The following PDZD9 variants were observed in gnomAD, a reference collection of about 807,000 sequenced individuals.
PDZD9 encodes the protein PDZ domain-containing protein 9.
A neutral mutation model predicts 16.3 loss-of-function variants in PDZD9; 13 were observed. That is an observed-to-expected ratio of 0.80 (90% CI 0.52 to 1.27). The LOEUF is 1.27. PDZD9 is among the 50% of genes most tolerant of loss of function. The pLI, the probability that PDZD9 is intolerant of heterozygous loss-of-function variation, is 0.00. For synonymous variants in PDZD9, 120 were observed against 111.0 expected, an observed-to-expected ratio of 1.08 and a Z score of -0.51; for missense variants, 288 against 310.9, an observed-to-expected ratio of 0.93 and a Z score of 0.55.
Position 21,988,624 on chromosome 16 carries a change from CAG to C in PDZD9, c.377_378del (p.Pro126ArgfsTer14). 2 of 1,611,132 alleles carry C rather than the reference CAG, an allele frequency of 1.2e-6. No individual in the cohort carries two copies. Among genetic ancestry groups the C allele is most frequent in the Non-Finnish European group, 1.7e-6 (2 of 1,178,826 alleles). On this transcript the variant is annotated frameshift_variant, in exon 3 of 4. Transcript: ENST00000424898. LOFTEE classifies it low-confidence loss of function (END_TRUNC). Reference sequence around the variant, plus strand: ...TACCTTGTTACTGGGAATTTGGCCTCAGGGATTAAATCATATATTTCTTGCCA... The same window carrying C: ...TACCTTGTTACTGGGAATTTGGCCTCGGATTAAATCATATATTTCTTGCCA... ...EEWQEIYDLI[P>X]EAKFPVTSTP...
downstream of PDZD9, chr16:21,983,289 G>A: frequency 1.2e-6 from 1 of 828,096 alleles, no homozygotes; most frequent in Non-Finnish European, 1.9e-6. Flanking sequence ...GGTAAAATAA[G>A]GCATAAATGC....
intron 2 of PDZD9, among the ~76,000 whole-genome samples, chr16:21,995,606 C>T (rs1899128350): frequency 6.6e-6 from 1 of 150,664 alleles, no homozygotes; most frequent in Non-Finnish European, 1.5e-5. Flanking sequence ...ATGTCATATC[C>T]TTTTTTTTTG....
At chr16:21,998,131 C>T (rs2141964127) in intron 1 of PDZD9, among the ~76,000 whole-genome samples, 1 of 152,314 alleles carries the variant, frequency 6.6e-6, no homozygotes, top group Admixed American at 6.5e-5. Context: ...GCAGGATACG[C>T]CCTGCCTGAG....
chr16:22,000,963 T>C lies in PDZD9; in HGVS notation c.31+54A>G. ...TTGCCATTTTACAGAGGAGGAACAT[T>C]GACGAAGGCTTGGTCCCCAGGGCTT... On this transcript the variant is annotated intron_variant, in intron 1 of 3. Transcript: ENST00000424898. 2.6e-6 allele frequency: 4 copies of C among 1,515,194 alleles called. No homozygotes were observed. The East Asian group carries it at 9.9e-5, about 37-fold the overall frequency. The allele number at this position is 1,515,194 out of a possible 1,614,324, so 93.9% of individuals were successfully genotyped here.
chr16:21,970,241 C>G, the PDZD9 span, among the ~76,000 whole-genome samples: 1 of 152,106 alleles, frequency 6.6e-6, no homozygotes, highest in Non-Finnish European at 1.5e-5. Flanking sequence ...TTTTGGCTGT[C>G]GTAAATATAA....
In PDZD9 at chr16:21,992,550, G is replaced by A. The variant is rs576660197; in HGVS notation, c.212-3759C>T. On this transcript the variant is annotated intron_variant, in intron 2 of 3. Coordinates refer to ENST00000424898, the MANE Select transcript of PDZD9 (RefSeq NM_001363519.1). ...CTACCAGCAAGGCTAGAAAAAGCAG[G>A]TGGAAAAAGGTGGAATGAGCAGACT... is the stretch of plus-strand genomic sequence containing the variant. Among the ~76,000 whole-genome samples the A allele has an allele frequency of 5.3e-5, 8 of 152,296 alleles. No individual in the cohort carries two copies. The South Asian group carries it at 1.7e-3, about 32-fold the overall frequency.
chr16:21,983,751 C>T (rs1477163667), downstream of PDZD9: 2 of 153,618 alleles, frequency 1.3e-5, no homozygotes, highest in Non-Finnish European at 2.9e-5. Flanking sequence ...TCTCCCTTAT[C>T]TGTTACTATC....
At chr16:21,987,130 GATC>G (rs1898894763) in intron 3 of PDZD9, among the ~76,000 whole-genome samples, 1 of 152,108 alleles carries the variant, frequency 6.6e-6, no homozygotes, top group Non-Finnish European at 1.5e-5. Context: ...ATTACAAAAA[GATC>G]ATTCTGGCCA....
intron 2 of PDZD9, 110 bp from the exon 3 acceptor site, chr16:21,988,901 C>G: frequency 6.0e-6 from 3 of 501,970 alleles, no homozygotes; most frequent in Non-Finnish European, 9.2e-6. Context: ...ATTGTTGATT[C>G]TTTTTGAACC....
At chr16:21,982,929 A>C (rs1436883490), downstream of PDZD9, among the ~76,000 whole-genome samples, 1 of 146,878 alleles carries the variant, frequency 6.8e-6, no homozygotes, top group Non-Finnish European at 1.5e-5. Flanking sequence ...GCAGCACTGC[A>C]CTCCACACTG....
At chr16:21,994,495 G>A (rs947219871) in intron 2 of PDZD9, among the ~76,000 whole-genome samples, 2 of 152,200 alleles carry the variant, frequency 1.3e-5, no homozygotes, top group African/African-American at 4.8e-5. Context: ...CCAAAGACAC[G>A]AGGAGCAGGG....
At chr16:21,965,605 C>G in the PDZD9 span, 20 of 1,027,198 alleles carry the variant, frequency 1.9e-5, no homozygotes, top group Non-Finnish European at 2.4e-5. Flanking sequence ...TATCTTCTAA[C>G]TTTAAGAAAT....
intron 1 of PDZD9, among the ~76,000 whole-genome samples, chr16:21,997,484 T>C (rs865990803): frequency 2.0e-5 from 3 of 152,144 alleles, no homozygotes; most frequent in Admixed American, 6.5e-5. Context: ...CAGACTTCCT[T>C]AGTGAAAAGG....
intron 2 of PDZD9, among the ~76,000 whole-genome samples, chr16:21,993,641 C>T (rs893025281): frequency 1.3e-5 from 2 of 152,108 alleles, no homozygotes; most frequent in South Asian, 4.1e-4. Context: ...GAATCAAAAA[C>T]CTGTAGGGAG....
chr16:21,962,316 A>T, the PDZD9 span: 1 of 928,366 alleles, frequency 1.1e-6, no homozygotes, highest in South Asian at 1.8e-5. Context: ...TAGTTGGTTA[A>T]TATGTGGAGT....
chr16:22,001,061 C>G lies in PDZD9; in HGVS notation c.-14G>C. The G allele has an allele frequency of 2.0e-6, 3 of 1,523,420 alleles. No homozygotes were observed. The highest frequency in any genetic ancestry group is 1.8e-6 in the Non-Finnish European group (2 of 1,141,580). 94.4% of individuals were successfully genotyped at this position (1,523,420 alleles called of 1,614,324 possible). ...GGCCTTCTGCATGGTCCCGGGAGGT[C>G]AGGCAGCCCGGGAGGGCCTCCCGGA... On this transcript the variant is annotated 5_prime_UTR_variant, in exon 1 of 4. Coordinates refer to ENST00000424898, the MANE Select transcript of PDZD9 (RefSeq NM_001363519.1).
At position 21,988,740 on chromosome 16, in the gene PDZD9, C is replaced by G. The variant is rs375973948; in HGVS notation, c.263G>C (p.Arg88Pro). The G allele has an allele frequency of 1.2e-6, 2 of 1,613,446 alleles. No homozygotes were observed. Among genetic ancestry groups the G allele is most frequent in the Non-Finnish European group, 1.7e-6 (2 of 1,179,862 alleles). ...ATGTTGCAAAAGCTGTAAAAATTCT[C>G]GAAGAGTATATCCTAACACATTGGC... The part of the protein sequence containing the change: ...GHANVLGYTL[R>P]EFLQLLQHIT... The change falls in exon 3 of 4, where the codon CGA becomes CCA. Residue 88 changes from arginine (R) to proline (P), a missense_variant. Coordinates refer to ENST00000424898, the MANE Select transcript of PDZD9 (RefSeq NM_001363519.1).
At chr16:21,969,566 A>G in the PDZD9 span, among the ~76,000 whole-genome samples, 2 of 152,112 alleles carry the variant, frequency 1.3e-5, no homozygotes, top group Non-Finnish European at 2.9e-5. Context: ...ACACTCATAG[A>G]CCCAGTGACT....
At chr16:21,989,169 G>C (rs1898962379) in intron 2 of PDZD9, among the ~76,000 whole-genome samples, 1 of 151,830 alleles carries the variant, frequency 6.6e-6, no homozygotes, top group Non-Finnish European at 1.5e-5. Context: ...CTGACCTCAG[G>C]TGATCTGTCC....
Sources: gnomAD v4.1 joint callset for allele counts (sites outside exome capture counted in the v4.1 genomes callset) on GRCh38, gnomAD v4.1.1 for gene constraint, MANE v1.5 for transcripts, NCBI Gene and HGNC (gene_info 2026-07-23, HGNC 2026-07-21) for gene names.